The following RBFOX1 variants were observed in gnomAD, a reference collection of about 807,000 sequenced individuals.
RBFOX1 encodes RNA binding protein fox-1 homolog 1.
RBFOX1 carries 8 observed loss-of-function variants against 57.7 expected under a neutral mutation model. The ratio of observed to expected loss-of-function variants is 0.14; its 90% CI spans 0.08 to 0.25. RBFOX1 has a LOEUF of 0.25. Among genes scored for constraint, RBFOX1 ranks in the 10% least tolerant of loss-of-function variants. The pLI, the probability that RBFOX1 is intolerant of heterozygous loss-of-function variation, is 1.00. For synonymous variants in RBFOX1, 326 were observed against 222.4 expected (o/e 1.47, Z -4.15); for missense variants, 611 against 548.5 (o/e 1.11, Z -1.14).
chr16:5,606,226 A>G (rs2047572458), intron 3 of RBFOX1, among the ~76,000 whole-genome samples: 1 of 152,042 alleles, frequency 6.6e-6, no homozygotes, highest in South Asian at 2.1e-4. Flanking sequence ...CTCCAACCTT[A>G]TCTGCTACTC....
At chr16:5,644,477 A>T (rs956215680) in intron 3 of RBFOX1, among the ~76,000 whole-genome samples, 9 of 152,184 alleles carry the variant, frequency 5.9e-5, no homozygotes, top group African/African-American at 2.2e-4. Context: ...ACTGTACACC[A>T]TGGAGGTAAA....
chr16:6,465,280 AATT>A (rs1440417957), intron 2 of RBFOX1, among the ~76,000 whole-genome samples: 1 of 152,038 alleles, frequency 6.6e-6, no homozygotes, highest in Non-Finnish European at 1.5e-5. Context: ...TATTGTTGTT[AATT>A]ATTTTATTTC....
intron 1 of RBFOX1, among the ~76,000 whole-genome samples, chr16:6,048,440 A>G (rs1318773444): frequency 6.6e-6 from 1 of 152,214 alleles, no homozygotes; most frequent in Non-Finnish European, 1.5e-5. Flanking sequence ...TCTGCCCCTG[A>G]AACTTCATTA....
intron 3 of RBFOX1, among the ~76,000 whole-genome samples, chr16:6,804,870 A>C (rs1217705339): frequency 2.0e-5 from 3 of 152,182 alleles, no homozygotes; most frequent in Non-Finnish European, 4.4e-5. Flanking sequence ...TTCATTCTTA[A>C]AAAGGCCATG....
intron 1 of RBFOX1, among the ~76,000 whole-genome samples, chr16:6,036,516 A>G (rs748944431): frequency 1.3e-5 from 2 of 152,136 alleles, no homozygotes; most frequent in Non-Finnish European, 2.9e-5. Flanking sequence ...TATCACTTAG[A>G]TAGTTTTTAA....
At chr16:6,156,569 G>T (rs2096839810) in intron 1 of RBFOX1, among the ~76,000 whole-genome samples, 1 of 152,190 alleles carries the variant, frequency 6.6e-6, no homozygotes, top group South Asian at 2.1e-4. Flanking sequence ...GGGAGCTGTT[G>T]AGTCCAACAT....
At chr16:5,934,556 G>T (rs1468231256) in intron 4 of RBFOX1, among the ~76,000 whole-genome samples, 1 of 152,200 alleles carries the variant, frequency 6.6e-6, no homozygotes, top group East Asian at 1.9e-4. Flanking sequence ...GAGGCCTGCA[G>T]TATGGACAGA....
intron 3 of RBFOX1, among the ~76,000 whole-genome samples, chr16:6,753,574 T>A (rs2075309598): frequency 1.3e-5 from 2 of 152,174 alleles, no homozygotes; most frequent in Non-Finnish European, 2.9e-5. Context: ...TAATAGAGAC[T>A]GTGCAATTTC....
chr16:7,313,145 A>C (rs539668542), intron 4 of RBFOX1, among the ~76,000 whole-genome samples: 2 of 152,178 alleles, frequency 1.3e-5, no homozygotes, highest in Admixed American at 6.5e-5. Flanking sequence ...TGGAAACACA[A>C]AAGCGCCTCC....
chr16:7,672,953 G>T (rs1457622245), intron 13 of RBFOX1, among the ~76,000 whole-genome samples: 2 of 143,516 alleles, frequency 1.4e-5, no homozygotes, highest in African/African-American at 2.6e-5. Flanking sequence ...GTATTATATA[G>T]TAAATAAGAT....
intron 4 of RBFOX1, among the ~76,000 whole-genome samples, chr16:7,371,877 T>C (rs1256991408): frequency 2.0e-5 from 3 of 152,212 alleles, no homozygotes; most frequent in African/African-American, 7.2e-5. Context: ...TCTTGCTTAA[T>C]TTCACTTGAT....
chr16:6,465,608 G>A (rs1266803698), intron 2 of RBFOX1, among the ~76,000 whole-genome samples: 1 of 143,638 alleles, frequency 7.0e-6, no homozygotes, highest in African/African-American at 2.8e-5. Context: ...CTGTGTGTGT[G>A]TGTGTGTGTG....
At chr16:6,031,307 C>T (rs1008328052) in intron 1 of RBFOX1, among the ~76,000 whole-genome samples, 3 of 152,062 alleles carry the variant, frequency 2.0e-5, no homozygotes, top group Admixed American at 6.5e-5. Flanking sequence ...GCAAGGTGGC[C>T]AGCGTGCCTG....
intron 2 of RBFOX1, among the ~76,000 whole-genome samples, chr16:6,407,865 A>T (rs2093340450): frequency 6.6e-6 from 1 of 152,118 alleles, no homozygotes. Context: ...TTGTGAGTAG[A>T]TCCCCACTAT....
rs76398714 is a variant in RBFOX1, at chr16:5,361,112, T to C, written c.220-106104T>C. Among the ~76,000 whole-genome samples, 445 of 152,362 alleles carry C rather than the reference T, an allele frequency of 2.9e-3. 3 individuals are homozygous for C. Among genetic ancestry groups the C allele is most frequent in the African/African-American group, 0.01 (419 of 41,578 alleles). The stretch of plus-strand genomic sequence containing the variant: ...TCTGATTTAATCTCTGCAATAATCC[T>C]GTGGTTCTATTGTCTTTTCAGTTTA... On this transcript the variant is annotated intron_variant, in intron 1 of 2. Transcript: ENST00000585867.
At chr16:6,155,467 T>C (rs1019362967) in intron 1 of RBFOX1, among the ~76,000 whole-genome samples, 9 of 152,224 alleles carry the variant, frequency 5.9e-5, no homozygotes, top group African/African-American at 1.9e-4. Context: ...AAGGTAGATT[T>C]TCCCCCCGTT....
At chr16:7,294,920 G>A (rs138144942) in intron 4 of RBFOX1, among the ~76,000 whole-genome samples, 228 of 152,246 alleles carry the variant, frequency 1.5e-3, no homozygotes, top group African/African-American at 5.0e-3. Context: ...TTATTAGAAG[G>A]ATAAGATAGA....
intron 4 of RBFOX1, among the ~76,000 whole-genome samples, chr16:7,486,854 C>T (rs533939126): frequency 1.3e-5 from 2 of 152,308 alleles, no homozygotes; most frequent in South Asian, 2.1e-4. Context: ...TGTTCAGCCT[C>T]CTTGCCACTC....
chr16:7,344,210 C>T (rs1287940788), intron 4 of RBFOX1, among the ~76,000 whole-genome samples: 3 of 145,050 alleles, frequency 2.1e-5, no homozygotes, highest in Non-Finnish European at 3.0e-5. Flanking sequence ...CTTCGCTGTA[C>T]TCTTCTGTAG....
Sources: allele counts gnomAD v4.1 joint callset (sites outside exome capture counted in the v4.1 genomes callset), GRCh38; gene constraint gnomAD v4.1.1; transcripts MANE v1.5; gene names NCBI Gene and HGNC (gene_info 2026-07-23, HGNC 2026-07-21).